SDHAF3: variants seen among roughly 807,000 people sequenced by gnomAD.
The protein encoded by SDHAF3 is succinate dehydrogenase assembly factor 3, mitochondrial.
A neutral mutation model predicts 11.5 loss-of-function variants in SDHAF3; 18 were observed. The observed-to-expected ratio is 1.56, with a 90% CI of 1.08 to 2.32. SDHAF3 has a LOEUF of 2.32. Ranked by LOEUF, SDHAF3 falls within the 30% of genes most tolerant of loss-of-function variation. The probability of loss-of-function intolerance (pLI) is 0.00; values close to 1 mark genes in which losing one functional copy is unlikely to be tolerated. For missense variants in SDHAF3, 200 were observed against 154.4 expected, an observed-to-expected ratio of 1.30 and a Z score of -1.57; for synonymous variants, 72 against 59.3, an observed-to-expected ratio of 1.21 and a Z score of -0.99.
At chr7:97,143,405 C>T (rs1164041412) in intron 1 of SDHAF3, among the ~76,000 whole-genome samples, 5 of 151,948 alleles carry the variant, frequency 3.3e-5, no homozygotes, top group Admixed American at 1.3e-4. Flanking sequence ...ACCCATCACC[C>T]GAGCAGTATA....
chr7:97,168,955 ACT>A (rs1223231922), intron 1 of SDHAF3, among the ~76,000 whole-genome samples: 1 of 152,174 alleles, frequency 6.6e-6, no homozygotes, highest in Non-Finnish European at 1.5e-5. Context: ...ATAATGCTAC[ACT>A]CTTTCATTTG....
chr7:97,151,205 A>G (rs1383081138), intron 1 of SDHAF3, among the ~76,000 whole-genome samples: 1 of 152,210 alleles, frequency 6.6e-6, no homozygotes, highest in Non-Finnish European at 1.5e-5. Context: ...CTGAAAGCAG[A>G]CAGATTAATA....
At chr7:97,147,833 G>T (rs1226300757) in intron 1 of SDHAF3, among the ~76,000 whole-genome samples, 3 of 152,068 alleles carry the variant, frequency 2.0e-5, no homozygotes, top group Non-Finnish European at 4.4e-5. Flanking sequence ...TCTTACTTTG[G>T]TACTCTGCTC....
intron 1 of SDHAF3, among the ~76,000 whole-genome samples, chr7:97,131,577 G>A (rs1003360155): frequency 3.3e-5 from 5 of 152,094 alleles, no homozygotes; most frequent in African/African-American, 9.7e-5. Context: ...CCTGAATTAG[G>A]GATGGACCAA....
intron 1 of SDHAF3, among the ~76,000 whole-genome samples, chr7:97,163,991 AGG>A (rs1337072583): frequency 6.7e-6 from 1 of 149,986 alleles, no homozygotes; most frequent in Non-Finnish European, 1.5e-5. Flanking sequence ...CTCTGTTGCC[AGG>A]CTGGAATGCA....
At chr7:97,119,650 T>G (rs1273288983) in intron 1 of SDHAF3, among the ~76,000 whole-genome samples, 3 of 152,202 alleles carry the variant, frequency 2.0e-5, no homozygotes, top group Non-Finnish European at 4.4e-5. Flanking sequence ...CTTTCACTAA[T>G]GTCCTTATTC....
At chr7:97,132,508 T>A (rs1791685712) in intron 1 of SDHAF3, among the ~76,000 whole-genome samples, 1 of 152,228 alleles carries the variant, frequency 6.6e-6, no homozygotes, top group East Asian at 1.9e-4. Flanking sequence ...GTATTATGTC[T>A]TGTTAAGCAA....
At chr7:97,124,591 T>C (rs1259035065) in intron 1 of SDHAF3, among the ~76,000 whole-genome samples, 2 of 152,206 alleles carry the variant, frequency 1.3e-5, no homozygotes, top group African/African-American at 4.8e-5. Flanking sequence ...TTGAGCAGTA[T>C]GGCCATTTTA....
intron 1 of SDHAF3, among the ~76,000 whole-genome samples, chr7:97,175,298 G>C (rs183030752): frequency 6.6e-6 from 1 of 151,954 alleles, no homozygotes; most frequent in Non-Finnish European, 1.5e-5. Context: ...TAGGTTTGAG[G>C]GTACATGTGA....
intron 1 of SDHAF3, among the ~76,000 whole-genome samples, chr7:97,165,357 CTTTTTTTTTTTT>C (rs10653828): frequency 1.2e-4 from 9 of 77,024 alleles, no homozygotes; most frequent in Admixed American, 6.9e-4. Flanking sequence ...ATTTTCCTAC[CTTTTTTTTTTTT>C]TTTTTTTTGC....
intron 1 of SDHAF3, among the ~76,000 whole-genome samples, chr7:97,163,824 G>A (rs10223977): frequency 2.7e-3 from 414 of 152,132 alleles, no homozygotes; most frequent in African/African-American, 9.5e-3. Context: ...TGCTTCCTTC[G>A]AGAGCTCTTG....
intron 1 of SDHAF3, among the ~76,000 whole-genome samples, chr7:97,139,512 A>G (rs1397283129): frequency 2.0e-5 from 3 of 152,234 alleles, no homozygotes; most frequent in Non-Finnish European, 4.4e-5. Flanking sequence ...GGTGAGGATC[A>G]ATCAGAGGAA....
chr7:97,145,122 T>G (rs892815865), intron 1 of SDHAF3, among the ~76,000 whole-genome samples: 1 of 151,616 alleles, frequency 6.6e-6, no homozygotes, highest in Non-Finnish European at 1.5e-5. Flanking sequence ...TCGCTATTGG[T>G]GTATTGAAGA....
intron 1 of SDHAF3, among the ~76,000 whole-genome samples, chr7:97,161,964 G>A (rs1275883965): frequency 2.0e-5 from 3 of 152,326 alleles, no homozygotes; most frequent in Admixed American, 2.0e-4. Flanking sequence ...TGGGATTGGT[G>A]AGTCAAATGG....
intron 1 of SDHAF3, among the ~76,000 whole-genome samples, chr7:97,177,729 A>T (rs1433066863): frequency 1.3e-5 from 2 of 152,164 alleles, no homozygotes; most frequent in Non-Finnish European, 2.9e-5. Flanking sequence ...AGTGACATTT[A>T]AAAAATTCCA....
chr7:97,177,735 T>C (rs148024426), intron 1 of SDHAF3, among the ~76,000 whole-genome samples: 1 of 152,336 alleles, frequency 6.6e-6, no homozygotes, highest in African/African-American at 2.4e-5. Flanking sequence ...ATTTAAAAAA[T>C]TCCAGATAGT....
intron 1 of SDHAF3, among the ~76,000 whole-genome samples, chr7:97,172,997 GCTCAAATCATCAAGC>G (rs1258227278): frequency 1.1e-5 from 1 of 87,024 alleles, no homozygotes; most frequent in East Asian, 5.8e-4. Context: ...AGATCATCAA[GCTCAAATCATCAAGC>G]ATTATATTCT....
intron 1 of SDHAF3, among the ~76,000 whole-genome samples, chr7:97,119,956 G>T (rs1167363697): frequency 2.6e-5 from 4 of 152,166 alleles, no homozygotes; most frequent in Non-Finnish European, 5.9e-5. Flanking sequence ...TCTTACTGGT[G>T]ATGATAACTG....
At chr7:97,166,722 C>T (rs907118028) in intron 1 of SDHAF3, among the ~76,000 whole-genome samples, 2 of 150,760 alleles carry the variant, frequency 1.3e-5, no homozygotes, top group Non-Finnish European at 2.9e-5. Flanking sequence ...TGCCCTTGGC[C>T]AAGAGAAGGG....
Sources: gnomAD v4.1 joint callset for allele counts (sites outside exome capture counted in the v4.1 genomes callset) on GRCh38, gnomAD v4.1.1 for gene constraint, MANE v1.5 for transcripts, NCBI Gene and HGNC (gene_info 2026-07-23, HGNC 2026-07-21) for gene names.